Variants in GRHL3 observed in about 807,000 individuals in gnomAD.
GRHL3 encodes grainyhead like transcription factor 3.
GRHL3 carries 20 observed loss-of-function variants against 70.3 expected under a neutral mutation model. The ratio of observed to expected loss-of-function variants is 0.28; its 90% CI spans 0.20 to 0.41. The LOEUF is 0.41. Among genes scored for constraint, GRHL3 ranks in the 10% least tolerant of loss-of-function variants. GRHL3 has a pLI of 1.00. For missense variants in GRHL3, 637 were observed against 762.3 expected, an observed-to-expected ratio of 0.84 and a Z score of 1.94; for synonymous variants, 299 against 299.9, an observed-to-expected ratio of 1.00 and a Z score of 0.03.
At position 24,338,043 on chromosome 1, in the gene GRHL3, C is replaced by T. The variant is rs767218256; in HGVS notation, c.892C>T (p.Arg298Cys). 1.2e-5 allele frequency: 19 copies of T among 1,613,046 alleles called. No homozygotes were observed. The highest frequency in any genetic ancestry group is 1.6e-4 in the Middle Eastern group (1 of 6,080). The change falls in exon 7 of 16, where the codon CGC (arginine) becomes TGC (cysteine). Residue 298 changes from arginine (R) to cysteine (C), a missense_variant. Arg to Cys is a radical substitution (Grantham distance 180). This residue lies in a region of GRHL3 where 387 missense variants were observed against 513.8 expected (regional missense o/e 0.75). Coordinates refer to ENST00000361548, the MANE Select transcript of GRHL3 (RefSeq NM_198173.3). ...TGAGAAGGTCCCAGTAGAGCAGCTG[C>T]GCTTCTGGAAGCACTGGCATTCCCG... ...DNEKVPVEQL[R>C]FWKHWHSRQP...
In GRHL3 at chr1:24,322,586, CGGCGGCCCG is replaced by C. The variant is rs986391438; in HGVS notation, c.17+3025_17+3033del. On this transcript the variant is annotated intron_variant, in intron 1 of 15. Transcript: ENST00000361548. The surrounding 1 kb of genome is among the most constrained non-coding windows in gnomAD (Gnocchi z 4.4). ...GAGAGGCTTGAGCCAACCCTAACGGCGGCGGCCCGGGCGGCGCGGGGGTCCTGCGGCTCC... is the reference window on the plus strand; with the variant it reads ...GAGAGGCTTGAGCCAACCCTAACGGCGGCGGCGCGGGGGTCCTGCGGCTCC... Among the ~76,000 whole-genome samples, 81 of 152,330 alleles carry C rather than the reference CGGCGGCCCG, an allele frequency of 5.3e-4. No individual in the cohort carries two copies. Among genetic ancestry groups the C allele is most frequent in the Non-Finnish European group, 8.4e-4 (57 of 68,020 alleles).
intron 15 of GRHL3, among the ~76,000 whole-genome samples, chr1:24,352,466 G>A (rs1038265564): frequency 6.6e-6 from 1 of 152,194 alleles, no homozygotes; most frequent in Non-Finnish European, 1.5e-5. Context: ...TGGTGACAGT[G>A]GTACTGCCTC....
intron 15 of GRHL3, among the ~76,000 whole-genome samples, chr1:24,362,515 G>A (rs1250404022): frequency 6.6e-6 from 1 of 152,152 alleles, no homozygotes; most frequent in Non-Finnish European, 1.5e-5. Context: ...AAGGAACAAT[G>A]ACACTAACTT....
At chr1:24,356,321 C>A (rs1640717630), downstream of GRHL3, among the ~76,000 whole-genome samples, 1 of 152,078 alleles carries the variant, frequency 6.6e-6, no homozygotes, top group Admixed American at 6.6e-5. Context: ...CGACTCGCTG[C>A]AAGCTCCGCC....
intron 1 of GRHL3, among the ~76,000 whole-genome samples, chr1:24,329,538 G>C (rs1282261246): frequency 2.0e-5 from 3 of 152,198 alleles, no homozygotes; most frequent in African/African-American, 7.2e-5. Context: ...TTGAAATCCT[G>C]GTTGTCTCAC....
At chr1:24,341,903 G>C (rs1640056552) in intron 8 of GRHL3, among the ~76,000 whole-genome samples, 2 of 152,232 alleles carry the variant, frequency 1.3e-5, no homozygotes, top group South Asian at 4.1e-4. Context: ...ACCACACACT[G>C]CCCGTGTCAC....
In GRHL3 at chr1:24,321,711, T is replaced by A. The variant is rs1159149821; in HGVS notation, c.17+2143T>A. ...CTCCCAAATGTGGACCAGAGCTCCA[T>A]CCGCGCCCGCCCGGTGGCCAGGCCC... On this transcript the variant is annotated intron_variant, in intron 1 of 15. Coordinates refer to ENST00000361548, the MANE Select transcript of GRHL3 (RefSeq NM_198173.3). This position sits in a 1 kb window ranked among gnomAD's most constrained non-coding sequence, Gnocchi z 4.0. The A allele has an allele frequency of 1.3e-5, 2 of 152,290 alleles. No individual in the cohort carries two copies. The highest frequency in any genetic ancestry group is 3.8e-4 in the East Asian group (2 of 5,198). 9.4% of individuals were successfully genotyped at this position (152,290 alleles called of 1,614,324 possible). A position where few individuals can be genotyped will look rare whatever the true frequency, so the allele number is the denominator to read the frequency against.
downstream of GRHL3, among the ~76,000 whole-genome samples, chr1:24,356,253 GT>G (rs1374764016): frequency 6.3e-5 from 9 of 142,598 alleles, no homozygotes; most frequent in Admixed American, 2.1e-4. Context: ...CTTTTTTTTT[GT>G]TTTTTTGAGA....
At chr1:24,339,801 G>C in intron 8 of GRHL3, 39 bp downstream of exon 8, 1 of 1,375,478 alleles carries the variant, frequency 7.3e-7, no homozygotes, top group African/African-American at 1.4e-5. Context: ...GGACTGGGCT[G>C]CCTGGAAGTC....
At chr1:24,337,050 A>G (rs1289181951) in intron 4 of GRHL3, 28 bp from the exon 5 acceptor site, 1 of 1,606,968 alleles carries the variant, frequency 6.2e-7, no homozygotes, top group Non-Finnish European at 8.5e-7. Flanking sequence ...GTGAGCATTT[A>G]TTCTCTTGGG....
At chr1:24,362,653 C>A (rs1019958741) in intron 15 of GRHL3, among the ~76,000 whole-genome samples, 2 of 152,206 alleles carry the variant, frequency 1.3e-5, no homozygotes, top group Non-Finnish European at 2.9e-5. Context: ...TCAATGTGTG[C>A]TGCTTGGTGA....
At chr1:24,347,297 A>C (rs1640325720) in intron 13 of GRHL3, among the ~76,000 whole-genome samples, 171 bp from the exon 14 acceptor site, 1 of 152,194 alleles carries the variant, frequency 6.6e-6, no homozygotes, top group Non-Finnish European at 1.5e-5. Flanking sequence ...CCACATAAGC[A>C]CAGCTTAAGA....
intron 15 of GRHL3, chr1:24,364,034 T>C: frequency 8.3e-7 from 1 of 1,209,146 alleles, no homozygotes; most frequent in Non-Finnish European, 1.1e-6. Flanking sequence ...TAATCTCCCA[T>C]GTCCTGCTGC....
At chr1:24,352,701 C>A (rs1198326665) in intron 15 of GRHL3, among the ~76,000 whole-genome samples, 1 of 152,202 alleles carries the variant, frequency 6.6e-6, no homozygotes, top group South Asian at 2.1e-4. Context: ...CAATGGCAGA[C>A]AAAACAACCC....
At position 24,360,796 on chromosome 1, in the gene GRHL3, G is replaced by C. The variant is rs997779200; in HGVS notation, c.1695-3389G>C. The C allele has an allele frequency of 4.0e-6, 6 of 1,489,916 alleles. No individual in the cohort carries two copies. In the East Asian group the frequency reaches 1.2e-4, roughly 29 times the overall value. The allele number at this position is 1,489,916 out of a possible 1,614,324, so 92.3% of individuals were successfully genotyped here. Reference sequence around the variant, plus strand: ...CAATGGCATTTGATGACCCAAGAATGACAAACAGTTCCAGAAGATTTGGTT... The same window carrying C: ...CAATGGCATTTGATGACCCAAGAATCACAAACAGTTCCAGAAGATTTGGTT... On this transcript the variant is annotated intron_variant, in intron 15 of 15. Coordinates refer to the GRHL3 transcript ENST00000350501.
Position 24,342,023 on chromosome 1 carries a change from C to T in GRHL3, c.1048-92C>T. 2 of 1,237,688 alleles carry T rather than the reference C, an allele frequency of 1.6e-6. No homozygotes were observed. The highest frequency in any genetic ancestry group is 3.3e-5 in the South Asian group (2 of 60,542). 76.7% of individuals were successfully genotyped at this position (1,237,688 alleles called of 1,614,324 possible). ...GTGAGGCTTAAGGGTGAGCAGCAGG[C>T]ACACAGAAAGCTAGAAATACAGGAT... On this transcript the variant is annotated intron_variant, in intron 8 of 15. Transcript: ENST00000361548. This position sits in a 1 kb window ranked among gnomAD's most constrained non-coding sequence, Gnocchi z 4.8.
intron 15 of GRHL3, among the ~76,000 whole-genome samples, chr1:24,361,798 G>A (rs1277711706): frequency 6.6e-6 from 1 of 152,090 alleles, no homozygotes; most frequent in Non-Finnish European, 1.5e-5. Context: ...ACCTGTACTT[G>A]AGTCCTAGCT....
intron 1 of GRHL3, among the ~76,000 whole-genome samples, chr1:24,330,882 C>T (rs1211396735): frequency 6.6e-6 from 1 of 152,226 alleles, no homozygotes; most frequent in South Asian, 2.1e-4. Context: ...TAAAATTGGC[C>T]TGAAATGCCA....
chr1:24,346,594 T>C lies in GRHL3; in HGVS notation c.1496T>C (p.Phe499Ser). 6.2e-7 allele frequency: 1 copy of C among 1,613,294 alleles called. No individual in the cohort carries two copies. The highest frequency in any genetic ancestry group is 8.5e-7 in the Non-Finnish European group (1 of 1,179,620). ...ACCTGCTCGCCCTTCACTGAGGAGT[T>C]TGAGCCTCTGCCCTCCAAGCAGGCC... ...KRTCSPFTEE[F>S]EPLPSKQAKE... The change falls in exon 13 of 16, where the codon TTT (phenylalanine) becomes TCT (serine). Residue 499 changes from phenylalanine to serine, a missense_variant. Phe to Ser is a radical substitution (Grantham distance 155, BLOSUM62 -2). Transcript: ENST00000361548.
Sources: gnomAD v4.1 joint callset for allele counts (sites outside exome capture counted in the v4.1 genomes callset) on GRCh38, gnomAD v4.1.1 for gene constraint, gnomAD v4.1.1 regional missense constraint, Gnocchi (gnomAD v3.1) non-coding constraint, MANE v1.5 for transcripts, NCBI Gene and HGNC (gene_info 2026-07-23, HGNC 2026-07-21) for gene names.